The following GRM5 variants were observed in gnomAD, a reference collection of about 807,000 sequenced individuals.
GRM5 encodes metabotropic glutamate receptor 5.
Under a neutral mutation model 83.1 loss-of-function variants are expected in GRM5, and 19 were observed. That is an observed-to-expected ratio of 0.23 (90% CI 0.16 to 0.34). GRM5 has a LOEUF of 0.34. GRM5 is among the 10% of genes least tolerant of loss of function. The pLI is 1.00. For missense variants in GRM5, 1,160 were observed against 1,588.3 expected (o/e 0.73, Z 4.58); for synonymous variants, 675 against 633.6 (o/e 1.07, Z -0.98).
rs1565279115 is a variant in GRM5 at position 88,890,142 on chromosome 11, C to CACCCCA, written c.662-39988_662-39987insTGGGGT. ...CCCCACATCCCCACATCCCCACCCC[C>CACCCCA]GACTGAGAGATGATACTCCCATGGG... On this transcript the variant is annotated intron_variant, in intron 2 of 9. Coordinates refer to ENST00000305447, the MANE Select transcript of GRM5 (RefSeq NM_001143831.3). 2.8e-4 allele frequency among the ~76,000 whole-genome samples: 43 copies of CACCCCA among 152,274 alleles called. No homozygotes were observed. The East Asian group carries it at 7.7e-3, about 27-fold the overall frequency.
chr11:88,837,928 CA>C (rs1276054474), intron 3 of GRM5, among the ~76,000 whole-genome samples: 2 of 151,032 alleles, frequency 1.3e-5, no homozygotes, highest in Admixed American at 6.6e-5. Flanking sequence ...ACTAAAAATA[CA>C]AAAAAATTAG....
In GRM5 at chr11:88,527,829, G is replaced by A. The variant is rs541125959; in HGVS notation, c.2631-2425C>T. Among the ~76,000 whole-genome samples the A allele has an allele frequency of 5.9e-5, 9 of 152,116 alleles. No homozygotes were observed. The South Asian group carries it at 1.9e-3, about 32-fold the overall frequency. On this transcript the variant is annotated intron_variant, in intron 8 of 9. Coordinates refer to ENST00000305447, the MANE Select transcript of GRM5 (RefSeq NM_001143831.3). ...AGGGCATTATCCTAACCAAACTAAT[G>A]GAGAAACAGAAAACCAAGTACTTCA... is the stretch of plus-strand genomic sequence containing the variant.
intron 2 of GRM5, among the ~76,000 whole-genome samples, chr11:88,854,077 T>TATATATATATATATAC (rs927592084): frequency 4.7e-5 from 7 of 149,288 alleles, no homozygotes; most frequent in East Asian, 2.0e-4. Context: ...TATATATATA[T>TATATATATATATATAC]ACACAATGAA....
chr11:88,508,447 A>T lies in GRM5; in HGVS notation c.*145T>A, dbSNP rs199838448. The T allele has an allele frequency of 2.0e-4, 116 of 569,874 alleles. No homozygotes were observed. The highest frequency in any genetic ancestry group is 7.2e-5 in the Admixed American group (2 of 27,842). The allele number at this position is 569,874 out of a possible 1,614,324, so 35.3% of individuals were successfully genotyped here. On this transcript the variant is annotated 3_prime_UTR_variant, in exon 10 of 10. Transcript: ENST00000305447. The surrounding 1 kb of genome is among the most constrained non-coding windows in gnomAD (Gnocchi z 4.2). ...TCTTCGTCGGTTGTCATGAGATAGC[A>T]CTACTGATCTCGTGTTTCCATTAAG... is the stretch of plus-strand genomic sequence containing the variant.
chr11:88,660,732 G>C (rs72639195), intron 3 of GRM5, among the ~76,000 whole-genome samples: 3,163 of 152,240 alleles, frequency 0.021, 89 homozygotes, highest in East Asian at 0.12. Context: ...ACATCCTGTT[G>C]ATCGGAGACA....
intron 4 of GRM5, among the ~76,000 whole-genome samples, 198 bp from the exon 5 acceptor site, chr11:88,605,162 C>A (rs1938107567): frequency 6.6e-6 from 1 of 151,936 alleles, no homozygotes; most frequent in Admixed American, 6.6e-5. Context: ...GTTTTTCTTC[C>A]AAAACTCTGA....
chr11:89,043,309 C>A (rs919383617), intron 2 of GRM5, among the ~76,000 whole-genome samples: 1 of 152,038 alleles, frequency 6.6e-6, no homozygotes, highest in Non-Finnish European at 1.5e-5. Flanking sequence ...GTCAATCACC[C>A]AGGAAGTACA....
chr11:88,934,060 T>TA (rs1246196148), intron 2 of GRM5, among the ~76,000 whole-genome samples: 1 of 151,150 alleles, frequency 6.6e-6, no homozygotes, highest in Non-Finnish European at 1.5e-5. Flanking sequence ...ATCATAAAAG[T>TA]AAAAAGAAAA....
intron 3 of GRM5, among the ~76,000 whole-genome samples, chr11:88,675,174 G>T (rs920224033): frequency 6.6e-6 from 1 of 151,864 alleles, no homozygotes; most frequent in Non-Finnish European, 1.5e-5. Flanking sequence ...GGAAAGAGCA[G>T]TTTTGTACTT....
chr11:88,875,309 T>C (rs1944833348), intron 2 of GRM5, among the ~76,000 whole-genome samples: 2 of 152,022 alleles, frequency 1.3e-5, no homozygotes, highest in South Asian at 4.1e-4. Context: ...TGCTTATCTA[T>C]TAGAAGCAAC....
intron 3 of GRM5, among the ~76,000 whole-genome samples, chr11:88,781,402 T>C (rs1942973821): frequency 6.6e-6 from 1 of 152,114 alleles, no homozygotes; most frequent in South Asian, 2.1e-4. Context: ...ATCCTAATTA[T>C]ACAGGTACAC....
intron 2 of GRM5, among the ~76,000 whole-genome samples, chr11:88,898,228 C>A (rs1333578462): frequency 6.6e-6 from 1 of 151,770 alleles, no homozygotes; most frequent in East Asian, 1.9e-4. Flanking sequence ...TGTAAGGAAA[C>A]CAGTTATATT....
At chr11:88,787,163 G>C in intron 3 of GRM5, among the ~76,000 whole-genome samples, 1 of 148,518 alleles carries the variant, frequency 6.7e-6, no homozygotes, top group African/African-American at 2.6e-5. Context: ...GTGTGTGTGT[G>C]TGTGTGTGTG....
In GRM5 at chr11:88,903,424, A is replaced by T. The variant is rs556608467; in HGVS notation, c.662-53269T>A. Among the ~76,000 whole-genome samples the T allele has an allele frequency of 4.6e-5, 7 of 152,344 alleles. No individual in the cohort carries two copies. The South Asian group carries it at 1.4e-3, about 32-fold the overall frequency. ...TCTGCCCAAGGGAAAAGAATTCATT[A>T]TACCACAAAGATGCCTGCTCGCATA... is the stretch of plus-strand genomic sequence containing the variant. On this transcript the variant is annotated intron_variant, in intron 2 of 9. Transcript: ENST00000305447.
At chr11:88,555,467 C>T (rs1942603882) in intron 8 of GRM5, among the ~76,000 whole-genome samples, 1 of 152,126 alleles carries the variant, frequency 6.6e-6, no homozygotes, top group Admixed American at 6.6e-5. Context: ...ATTCACCATG[C>T]TTTTTGCTTT....
At chr11:89,037,935 T>C (rs2135135445) in intron 2 of GRM5, among the ~76,000 whole-genome samples, 1 of 152,310 alleles carries the variant, frequency 6.6e-6, no homozygotes, top group South Asian at 2.1e-4. Context: ...ACAGGCTATT[T>C]ATGGCTATGT....
chr11:88,882,474 T>C (rs1944975805), intron 2 of GRM5, among the ~76,000 whole-genome samples: 1 of 148,470 alleles, frequency 6.7e-6, no homozygotes, highest in South Asian at 2.1e-4. Flanking sequence ...GGCAGGAGAA[T>C]GGCATGAACC....
At chr11:88,732,129 A>T (rs1208814330) in intron 3 of GRM5, among the ~76,000 whole-genome samples, 1 of 152,052 alleles carries the variant, frequency 6.6e-6, no homozygotes, top group Non-Finnish European at 1.5e-5. Flanking sequence ...TACACACTGT[A>T]CATGTCTCTA....
At chr11:88,527,554 C>CTCAA (rs1941908773) in intron 8 of GRM5, among the ~76,000 whole-genome samples, 1 of 152,074 alleles carries the variant, frequency 6.6e-6, no homozygotes, top group Non-Finnish European at 1.5e-5. Context: ...GAACTTAAAG[C>CTCAA]AGAACTACCA....
Sources: allele counts gnomAD v4.1 joint callset (sites outside exome capture counted in the v4.1 genomes callset), GRCh38; gene constraint gnomAD v4.1.1; non-coding constraint Gnocchi (gnomAD v3.1); transcripts MANE v1.5; gene names NCBI Gene and HGNC (gene_info 2026-07-23, HGNC 2026-07-21).